CACNA2D3: variants seen among roughly 807,000 people sequenced by gnomAD.
CACNA2D3 encodes calcium voltage-gated channel auxiliary subunit alpha2delta 3.
Under a neutral mutation model 160.6 loss-of-function variants are expected in CACNA2D3, and 60 were observed. That is an observed-to-expected ratio of 0.37 (90% confidence interval 0.30 to 0.46). The LOEUF is 0.46. Among genes scored for constraint, CACNA2D3 ranks in the 20% least tolerant of loss-of-function variants. CACNA2D3 has a pLI of 1.00. For missense variants in CACNA2D3, 1,205 were observed against 1,365.0 expected (o/e 0.88, Z 1.85); for synonymous variants, 558 against 492.9 (o/e 1.13, Z -1.75).
At chr3:54,794,138 T>C (rs1702818552) in intron 13 of CACNA2D3, among the ~76,000 whole-genome samples, 1 of 152,168 alleles carries the variant, frequency 6.6e-6, no homozygotes, top group Non-Finnish European at 1.5e-5. Flanking sequence ...CATGTATCTA[T>C]ATATTATGTT....
At chr3:55,045,449 T>C (rs937894059) in intron 35 of CACNA2D3, among the ~76,000 whole-genome samples, 101 of 152,214 alleles carry the variant, frequency 6.6e-4, no homozygotes, top group African/African-American at 2.3e-3. Context: ...TTTTATATTC[T>C]AGAAGATTTT....
chr3:54,421,360 C>T lies in CACNA2D3; in HGVS notation c.381+34586C>T, dbSNP rs553146747. Among the ~76,000 whole-genome samples the T allele has an allele frequency of 3.8e-4, 58 of 152,306 alleles. 1 individual carries two copies. Among genetic ancestry groups the T allele is most frequent in the African/African-American group, 1.3e-3 (55 of 41,548 alleles). On this transcript the variant is annotated intron_variant, in intron 4 of 37. Coordinates refer to ENST00000474759, the MANE Select transcript of CACNA2D3 (RefSeq NM_018398.3). ...AGATTCTAGAATATTTTTCCTGAGA[C>T]TTGTGACAGTCGGAGGTGCCTGATA...
chr3:54,470,949 C>T (rs1401875337), intron 4 of CACNA2D3, among the ~76,000 whole-genome samples: 1 of 152,006 alleles, frequency 6.6e-6, no homozygotes, highest in African/African-American at 2.4e-5. Flanking sequence ...ACTTAGACTC[C>T]CACACAATAA....
intron 11 of CACNA2D3, among the ~76,000 whole-genome samples, chr3:54,723,002 C>G (rs1701199639): frequency 6.6e-6 from 1 of 152,222 alleles, no homozygotes; most frequent in Admixed American, 6.5e-5. Context: ...ATAGCCGCCC[C>G]CTCCGCCAGG....
chr3:54,749,470 C>A (rs989717128), intron 11 of CACNA2D3, among the ~76,000 whole-genome samples: 1 of 152,178 alleles, frequency 6.6e-6, no homozygotes, highest in African/African-American at 2.4e-5. Flanking sequence ...TCTACCACTT[C>A]TGTCCTTTTT....
chr3:54,981,164 A>G (rs1347743363), intron 29 of CACNA2D3, among the ~76,000 whole-genome samples: 2 of 152,226 alleles, frequency 1.3e-5, no homozygotes, highest in Non-Finnish European at 2.9e-5. Flanking sequence ...CATACAAGAC[A>G]ATAGGGAAAT....
chr3:54,762,845 A>G (rs1702103748), intron 12 of CACNA2D3, among the ~76,000 whole-genome samples: 1 of 152,048 alleles, frequency 6.6e-6, no homozygotes, highest in South Asian at 2.1e-4. Flanking sequence ...TAATCCCAGC[A>G]CTTTGGGAGG....
At chr3:54,814,425 C>T (rs537095343) in intron 13 of CACNA2D3, among the ~76,000 whole-genome samples, 3 of 152,318 alleles carry the variant, frequency 2.0e-5, no homozygotes, top group East Asian at 3.9e-4. Flanking sequence ...GCTGGTCTGG[C>T]CCCTAGGGCA....
At chr3:54,459,565 G>A (rs1158665995) in intron 4 of CACNA2D3, among the ~76,000 whole-genome samples, 5 of 152,196 alleles carry the variant, frequency 3.3e-5, no homozygotes, top group African/African-American at 4.8e-5. Context: ...CTACATAAAT[G>A]TCTTCTTTTG....
chr3:54,793,449 G>A (rs1702802354), intron 13 of CACNA2D3, among the ~76,000 whole-genome samples: 1 of 152,222 alleles, frequency 6.6e-6, no homozygotes, highest in African/African-American at 2.4e-5. Context: ...AGGCAATGGG[G>A]ATATATCTGT....
chr3:54,767,883 C>CAAAA (rs1341409967), intron 13 of CACNA2D3, among the ~76,000 whole-genome samples: 4,814 of 152,126 alleles, frequency 0.032, 233 homozygotes, highest in African/African-American at 0.11. Flanking sequence ...AAACAGAAAT[C>CAAAA]CACATGTCCT....
chr3:54,782,944 A>G (rs193110962), intron 13 of CACNA2D3, among the ~76,000 whole-genome samples: 3 of 152,286 alleles, frequency 2.0e-5, no homozygotes, highest in East Asian at 3.9e-4. Context: ...TAAAACGCAC[A>G]CCAGACCCTG....
chr3:54,898,235 T>C (rs1271539483), intron 26 of CACNA2D3, among the ~76,000 whole-genome samples: 1 of 151,050 alleles, frequency 6.6e-6, no homozygotes, highest in Non-Finnish European at 1.5e-5. Flanking sequence ...CGTCTTTTTT[T>C]TTTTTGAGAC....
intron 9 of CACNA2D3, among the ~76,000 whole-genome samples, chr3:54,608,112 G>T (rs1698673908): frequency 1.3e-5 from 2 of 152,144 alleles, no homozygotes; most frequent in African/African-American, 4.8e-5. Context: ...CTATTCTTGT[G>T]ATAAAATTTC....
At chr3:54,798,789 A>T (rs1415292066) in intron 13 of CACNA2D3, among the ~76,000 whole-genome samples, 1 of 152,188 alleles carries the variant, frequency 6.6e-6, no homozygotes, top group South Asian at 2.1e-4. Flanking sequence ...ACATTTCAGC[A>T]CACAAGAGTT....
chr3:54,524,684 G>GTGTATAAT (rs1235867139), intron 5 of CACNA2D3, among the ~76,000 whole-genome samples: 1 of 151,954 alleles, frequency 6.6e-6, no homozygotes, highest in African/African-American at 2.4e-5. Flanking sequence ...GTGTGTATAT[G>GTGTATAAT]TGTATAATTG....
intron 9 of CACNA2D3, among the ~76,000 whole-genome samples, chr3:54,616,981 G>T (rs1167471519): frequency 6.6e-6 from 1 of 151,982 alleles, no homozygotes; most frequent in East Asian, 1.9e-4. Context: ...CTTTCTGCTG[G>T]GCCTGAAAAC....
At chr3:54,143,332 G>A (rs1699970681) in intron 2 of CACNA2D3, among the ~76,000 whole-genome samples, 1 of 152,168 alleles carries the variant, frequency 6.6e-6, no homozygotes, top group Non-Finnish European at 1.5e-5. Context: ...ATAAATGCTG[G>A]ATGACTGCTG....
intron 5 of CACNA2D3, among the ~76,000 whole-genome samples, chr3:54,533,269 G>C (rs183339144): frequency 6.6e-6 from 1 of 151,476 alleles, no homozygotes; most frequent in Admixed American, 6.6e-5. Context: ...ATTGTTCTGA[G>C]TGTGCTGGTT....
Sources: gnomAD v4.1 joint callset for allele counts (sites outside exome capture counted in the v4.1 genomes callset) on GRCh38, gnomAD v4.1.1 for gene constraint, MANE v1.5 for transcripts, NCBI Gene and HGNC (gene_info 2026-07-23, HGNC 2026-07-21) for gene names.